HBS1L: variants seen among roughly 807,000 people sequenced by gnomAD.
HBS1L encodes HBS1-like protein.
Under a neutral mutation model 88.9 loss-of-function variants are expected in HBS1L, and 55 were observed. The observed-to-expected ratio is 0.62, with a 90% CI of 0.50 to 0.77. The LOEUF is 0.77. HBS1L is among the 30% of genes least tolerant of loss of function. The probability of loss-of-function intolerance (pLI) is 0.00; values close to 1 mark genes in which losing one functional copy is unlikely to be tolerated. For synonymous variants in HBS1L, 267 were observed against 288.5 expected (o/e 0.93, Z 0.76); for missense variants, 741 against 829.3 (o/e 0.89, Z 1.31).
At chr6:135,035,686 G>GCTT (rs1349708241) in intron 4 of HBS1L, among the ~76,000 whole-genome samples, 4 of 147,826 alleles carry the variant, frequency 2.7e-5, no homozygotes, top group Non-Finnish European at 4.5e-5. Context: ...GGGAGGCGGA[G>GCTT]CTTGCAGTGA....
At chr6:135,010,453 TTATCAG>T (rs767227253) in intron 4 of HBS1L, among the ~76,000 whole-genome samples, 53 of 152,252 alleles carry the variant, frequency 3.5e-4, no homozygotes, top group Non-Finnish European at 7.1e-4. Flanking sequence ...CTGAAGTTTG[TTATCAG>T]TATATGTTTA....
chr6:134,969,066 T>A (rs1344556263), intron 16 of HBS1L, among the ~76,000 whole-genome samples, 172 bp downstream of exon 16: 2 of 152,208 alleles, frequency 1.3e-5, no homozygotes, highest in African/African-American at 4.8e-5. Flanking sequence ...AACAAGAGCT[T>A]AAATACTTGC....
intron 15 of HBS1L, among the ~76,000 whole-genome samples, chr6:134,972,744 T>C (rs1031214034): frequency 6.6e-6 from 1 of 152,106 alleles, no homozygotes; most frequent in Non-Finnish European, 1.5e-5. Flanking sequence ...CACAACCTAA[T>C]TCAAAATGTG....
At chr6:134,969,928 A>G (rs1320426882) in intron 15 of HBS1L, among the ~76,000 whole-genome samples, 1 of 152,200 alleles carries the variant, frequency 6.6e-6, no homozygotes, top group Non-Finnish European at 1.5e-5. Context: ...TAATGTATTC[A>G]TTGTTGAATA....
intron 4 of HBS1L, chr6:135,026,801 A>C (rs1384841967): frequency 1.3e-5 from 2 of 152,024 alleles, no homozygotes; most frequent in African/African-American, 2.4e-5. Flanking sequence ...TTACAGGGTA[A>C]ACTCTCCAGG....
intron 12 of HBS1L, among the ~76,000 whole-genome samples, chr6:134,983,976 CAAGT>C (rs1774907502): frequency 6.6e-6 from 1 of 152,072 alleles, no homozygotes; most frequent in Non-Finnish European, 1.5e-5. Flanking sequence ...ATGCCAAATT[CAAGT>C]AAGATAGAAT....
intron 15 of HBS1L, among the ~76,000 whole-genome samples, 160 bp downstream of exon 15, chr6:134,978,514 CAAAAT>C (rs775470015): frequency 6.6e-6 from 1 of 151,676 alleles, no homozygotes; most frequent in African/African-American, 2.4e-5. Flanking sequence ...AAATAAAAAA[CAAAAT>C]AAAAACGATT....
intron 4 of HBS1L, chr6:135,036,624 G>C: frequency 6.5e-7 from 1 of 1,545,818 alleles, no homozygotes; most frequent in Non-Finnish European, 8.7e-7. Flanking sequence ...CTGATTTGAA[G>C]TCAAATGGTG....
chr6:134,972,238 G>C (rs1774511381), intron 15 of HBS1L, among the ~76,000 whole-genome samples: 1 of 152,098 alleles, frequency 6.6e-6, no homozygotes, highest in Admixed American at 6.6e-5. Context: ...TAGTCTGTTA[G>C]GTGGCCAAGT....
At position 134,979,240 on chromosome 6, in the gene HBS1L, G is replaced by A; in HGVS notation, c.1626C>T (p.Asp542=). Residue 542 remains aspartate, a synonymous_variant, in exon 14 of 18, where the codon GAC becomes GAT. Coordinates refer to ENST00000367837, the MANE Select transcript of HBS1L (RefSeq NM_006620.4). ...TAACATGATCGCCTGCTGCCGCCCA[G>A]TCGACAGGTTCATCATGCAGAGTGA... ...KGITLHDEPV[D]WAAAGDHVSL... 6.2e-7 allele frequency: 1 copy of A among 1,612,110 alleles called. No individual in the cohort carries two copies. Among genetic ancestry groups the A allele is most frequent in the Non-Finnish European group, 8.5e-7 (1 of 1,178,624 alleles).
chr6:135,039,510 C>T lies in HBS1L; in HGVS notation c.430+63G>A, dbSNP rs1014222780. 1.4e-5 allele frequency: 19 copies of T among 1,322,384 alleles called. 1 individual carries two copies. Among genetic ancestry groups the T allele is most frequent in the Middle Eastern group, 3.7e-4 (2 of 5,460 alleles). The allele number at this position is 1,322,384 out of a possible 1,614,324, so 81.9% of individuals were successfully genotyped here. A position where few individuals can be genotyped will look rare whatever the true frequency, so the allele number is the denominator to read the frequency against. On this transcript the variant is annotated intron_variant, in intron 4 of 17. Transcript: ENST00000367837. ...ATATTTTCTTAAAAGCTCAAGCAAA[C>T]GAAAGCCTCTCTTTAGGCATTAACT...
At chr6:135,007,502 G>A (rs1009983715) in intron 4 of HBS1L, among the ~76,000 whole-genome samples, 6 of 152,130 alleles carry the variant, frequency 3.9e-5, no homozygotes, top group Non-Finnish European at 8.8e-5. Context: ...TTAAATTAAT[G>A]ATGTTATCCA....
At chr6:134,972,200 A>T (rs1443884943) in intron 15 of HBS1L, among the ~76,000 whole-genome samples, 1 of 152,056 alleles carries the variant, frequency 6.6e-6, no homozygotes, top group African/African-American at 2.4e-5. Flanking sequence ...CAAATTATCT[A>T]GTGTTCTATA....
At chr6:134,982,602 G>T in intron 12 of HBS1L, 40 bp from the exon 13 acceptor site, 1 of 1,126,002 alleles carries the variant, frequency 8.9e-7, no homozygotes, top group Non-Finnish European at 1.3e-6. Context: ...ATACAGCAAT[G>T]TTATCTGATG....
chr6:135,037,055 G>T (rs1438249960), intron 4 of HBS1L: 2 of 1,551,602 alleles, frequency 1.3e-6, no homozygotes, highest in African/African-American at 2.7e-5. Flanking sequence ...TTCTTAATCT[G>T]AGAGTTGTCT....
At chr6:135,014,694 G>T (rs1297909062) in intron 4 of HBS1L, among the ~76,000 whole-genome samples, 3 of 151,898 alleles carry the variant, frequency 2.0e-5, no homozygotes, top group Admixed American at 2.0e-4. Context: ...CATGAATATA[G>T]ACACATTTGG....
intron 3 of HBS1L, among the ~76,000 whole-genome samples, chr6:135,040,877 T>C (rs1192205477): frequency 6.6e-6 from 1 of 152,182 alleles, no homozygotes; most frequent in Non-Finnish European, 1.5e-5. Flanking sequence ...CCCTTATATT[T>C]TTGTATAGCA....
At chr6:135,054,014 C>A (rs1777167102) in intron 1 of HBS1L, among the ~76,000 whole-genome samples, 1 of 152,202 alleles carries the variant, frequency 6.6e-6, no homozygotes, top group East Asian at 1.9e-4. Flanking sequence ...CAAGCATTAC[C>A]AGCCAAGAAC....
intron 4 of HBS1L, among the ~76,000 whole-genome samples, chr6:135,020,555 C>T (rs1160835610): frequency 2.0e-5 from 3 of 151,938 alleles, no homozygotes; most frequent in Admixed American, 1.3e-4. Flanking sequence ...AACTTCAATA[C>T]AAATACAAAA....
Sources: gnomAD v4.1 joint callset for allele counts (sites outside exome capture counted in the v4.1 genomes callset) on GRCh38, gnomAD v4.1.1 for gene constraint, MANE v1.5 for transcripts, NCBI Gene and HGNC (gene_info 2026-07-23, HGNC 2026-07-21) for gene names.